RFC3: variants seen among roughly 807,000 people sequenced by gnomAD.
RFC3 encodes A1 38 kDa subunit.
In RFC3, 41 loss-of-function variants were observed where a neutral mutation model predicts 45.1. The observed-to-expected ratio is 0.91, with a 90% CI of 0.71 to 1.18. The LOEUF (loss-of-function observed/expected upper bound fraction) is 1.18, where lower values mean the gene tolerates loss of function less well. Among genes scored for constraint, RFC3 ranks in the 50% most tolerant of loss-of-function variants. The probability of loss-of-function intolerance (pLI) is 0.00; values close to 1 mark genes in which losing one functional copy is unlikely to be tolerated. For synonymous variants in RFC3, 149 were observed against 144.0 expected (o/e 1.03, Z -0.25); for missense variants, 423 against 428.1 (o/e 0.99, Z 0.10).
chr13:33,826,860 TG>T (rs2082054214), intron 4 of RFC3, among the ~76,000 whole-genome samples: 1 of 152,112 alleles, frequency 6.6e-6, no homozygotes, highest in Non-Finnish European at 1.5e-5. Flanking sequence ...TCCAATAGTG[TG>T]GTTAATAGTA....
intron 8 of RFC3, among the ~76,000 whole-genome samples, chr13:33,866,302 A>G (rs995142918): frequency 1.3e-5 from 2 of 152,238 alleles, no homozygotes; most frequent in African/African-American, 2.4e-5. Flanking sequence ...CAATGGTCTC[A>G]TAAACTCAAT....
intron 8 of RFC3, among the ~76,000 whole-genome samples, chr13:33,889,209 T>C (rs542393934): frequency 1.3e-5 from 2 of 152,208 alleles, no homozygotes; most frequent in East Asian, 3.8e-4. Context: ...TTATGTTCAC[T>C]ACACTATTCT....
chr13:33,898,170 T>C (rs1401311228), intron 8 of RFC3, among the ~76,000 whole-genome samples: 2 of 152,130 alleles, frequency 1.3e-5, no homozygotes, highest in East Asian at 1.9e-4. Context: ...CTAACTGATA[T>C]TTACAAAACG....
intron 8 of RFC3, among the ~76,000 whole-genome samples, chr13:33,912,469 A>C (rs1458011922): frequency 6.6e-6 from 1 of 152,094 alleles, no homozygotes; most frequent in Non-Finnish European, 1.5e-5. Flanking sequence ...AAATAGATAG[A>C]GGTTAGAAGT....
At chr13:33,951,120 G>C (rs1053524423) in intron 8 of RFC3, among the ~76,000 whole-genome samples, 1 of 143,110 alleles carries the variant, frequency 7.0e-6, no homozygotes, top group Middle Eastern at 3.9e-3. Context: ...TCACTCTCTG[G>C]TTTTCTTTTC....
At chr13:33,921,379 C>A (rs1254224533) in intron 8 of RFC3, among the ~76,000 whole-genome samples, 1 of 152,084 alleles carries the variant, frequency 6.6e-6, no homozygotes, top group Non-Finnish European at 1.5e-5. Context: ...GAACTGAAGA[C>A]ACACAACTTA....
chr13:33,958,055 G>T (rs2137853215), intron 8 of RFC3, among the ~76,000 whole-genome samples: 1 of 152,254 alleles, frequency 6.6e-6, no homozygotes, highest in East Asian at 1.9e-4. Flanking sequence ...TATTATAAAT[G>T]CCAAGAAGGA....
intron 8 of RFC3, among the ~76,000 whole-genome samples, chr13:33,958,426 T>A (rs758163176): frequency 6.6e-6 from 1 of 152,306 alleles, no homozygotes; most frequent in African/African-American, 2.4e-5. Flanking sequence ...CCTGTTCTTA[T>A]AATCAAGTGA....
At chr13:33,907,619 T>C (rs2082679313) in intron 8 of RFC3, among the ~76,000 whole-genome samples, 1 of 152,022 alleles carries the variant, frequency 6.6e-6, no homozygotes, top group Non-Finnish European at 1.5e-5. Flanking sequence ...ATTGCCTCTT[T>C]GGTTAATTTA....
At chr13:33,923,937 G>T (rs956649777) in intron 8 of RFC3, among the ~76,000 whole-genome samples, 9 of 152,108 alleles carry the variant, frequency 5.9e-5, no homozygotes, top group African/African-American at 1.7e-4. Flanking sequence ...TCGGGTTAGA[G>T]CTGGAGTTAT....
At chr13:33,921,762 A>G (rs2082770305) in intron 8 of RFC3, among the ~76,000 whole-genome samples, 1 of 152,064 alleles carries the variant, frequency 6.6e-6, no homozygotes, top group South Asian at 2.1e-4. Context: ...TGATTTGCTT[A>G]TCTCTTCCTC....
At chr13:33,844,427 G>A (rs1033777570) in intron 8 of RFC3, among the ~76,000 whole-genome samples, 6 of 151,798 alleles carry the variant, frequency 4.0e-5, no homozygotes, top group African/African-American at 9.7e-5. Flanking sequence ...TTCTACTACC[G>A]TTTTATCATT....
chr13:33,895,174 CT>C (rs1212943308), intron 8 of RFC3, among the ~76,000 whole-genome samples: 1 of 152,180 alleles, frequency 6.6e-6, no homozygotes, highest in Non-Finnish European at 1.5e-5. Context: ...TACAAAGCTT[CT>C]GCCCAGTAAA....
chr13:33,897,011 C>CA (rs573945380), intron 8 of RFC3, among the ~76,000 whole-genome samples: 1 of 151,490 alleles, frequency 6.6e-6, no homozygotes, highest in African/African-American at 2.4e-5. Context: ...TGAAAGAAAA[C>CA]AAAAAAATTA....
chr13:33,933,670 A>G (rs190490885), intron 8 of RFC3, among the ~76,000 whole-genome samples: 2 of 152,268 alleles, frequency 1.3e-5, no homozygotes, highest in East Asian at 3.9e-4. Flanking sequence ...ATTGAAAATA[A>G]GAAGGGAGAA....
intron 8 of RFC3, among the ~76,000 whole-genome samples, chr13:33,908,965 G>C (rs549701250): frequency 3.3e-5 from 5 of 152,178 alleles, no homozygotes; most frequent in African/African-American, 1.2e-4. Flanking sequence ...TCAACTAATT[G>C]AGGCCCACCA....
At chr13:33,946,062 C>T (rs1442348459) in intron 8 of RFC3, among the ~76,000 whole-genome samples, 1 of 152,190 alleles carries the variant, frequency 6.6e-6, no homozygotes, top group Non-Finnish European at 1.5e-5. Context: ...CTCTGGTTCT[C>T]TCCACTTGGA....
chr13:33,946,725 C>G (rs2082956739), intron 8 of RFC3, among the ~76,000 whole-genome samples: 1 of 152,162 alleles, frequency 6.6e-6, no homozygotes, highest in South Asian at 2.1e-4. Context: ...TCTGGCCTCA[C>G]AGATGTGTAG....
At chr13:33,938,465 T>C (rs1458899074) in intron 8 of RFC3, among the ~76,000 whole-genome samples, 1 of 152,102 alleles carries the variant, frequency 6.6e-6, no homozygotes, top group African/African-American at 2.4e-5. Flanking sequence ...AAGAAGCATA[T>C]CATCATTTCC....
Sources: gnomAD v4.1 joint callset for allele counts (sites outside exome capture counted in the v4.1 genomes callset) on GRCh38, gnomAD v4.1.1 for gene constraint, MANE v1.5 for transcripts, NCBI Gene and HGNC (gene_info 2026-07-23, HGNC 2026-07-21) for gene names.